Variants in ANKRD11 observed in about 807,000 individuals in gnomAD.
ANKRD11 encodes ankyrin repeat domain 11, also known as ankyrin repeat domain-containing protein 11.
ANKRD11 carries 17 observed loss-of-function variants against 195.7 expected under a neutral mutation model. The observed-to-expected ratio is 0.09, with a 90% CI of 0.06 to 0.13. The LOEUF is 0.13. Among genes scored for constraint, ANKRD11 ranks in the 10% least tolerant of loss-of-function variants. The pLI is 1.00. For synonymous variants in ANKRD11, 1,953 were observed against 1,528.1 expected (o/e 1.28, Z -6.49); for missense variants, 3,735 against 3,566.1 (o/e 1.05, Z -1.21).
Position 89,440,818 on chromosome 16 carries a change from A to G in ANKRD11, c.-144-22450T>C, listed in dbSNP as rs189499397. On this transcript the variant is annotated intron_variant, in intron 1 of 12. Transcript: ENST00000301030. ...GCCTGCCGGGACTGAAAATAAATCC[A>G]TGTGGCATCAACAGGAACATCTGTG... Among the ~76,000 whole-genome samples, 635 of 152,286 alleles carry G rather than the reference A, an allele frequency of 4.2e-3. 5 individuals carry two copies. The highest frequency in any genetic ancestry group is 0.015 in the African/African-American group (604 of 41,562).
chr16:89,313,645 ATG>A (rs1156924397), intron 3 of ANKRD11: 4 of 1,269,930 alleles, frequency 3.1e-6, no homozygotes, highest in Admixed American at 4.6e-5. Context: ...AAGGGAGTTT[ATG>A]GTAGAAGACT....
intron 2 of ANKRD11, among the ~76,000 whole-genome samples, chr16:89,393,050 C>A (rs1311648405): frequency 6.6e-6 from 1 of 152,076 alleles, no homozygotes; most frequent in African/African-American, 2.4e-5. Context: ...AATGCTAACC[C>A]TCAGTGGAGC....
Position 89,281,266 on chromosome 16 carries a change from G to A in ANKRD11, c.5276C>T (p.Ser1759Phe), listed in dbSNP as rs2034212500. The change falls in exon 9 of 13, where the codon TCC becomes TTC. Residue 1759 changes from serine to phenylalanine, a missense_variant. Physicochemically the swap from Ser to Phe is radical, Grantham distance 155. Transcript: ENST00000301030. The surrounding 1 kb of genome is among the most constrained non-coding windows in gnomAD (Gnocchi z 5.5). ...PTAPTSACSP[S>F]FFDRFSVASS... is the part of the protein sequence containing the mutation. ...AGCCACGGAGAACCTGTCGAAAAAG[G>A]AGGGGGAGCAGGCGCTGGTGGGAGC... The A allele has an allele frequency of 6.2e-7, 1 of 1,614,248 alleles. No individual in the cohort carries two copies.
chr16:89,423,391 C>G (rs1295951850), intron 1 of ANKRD11, among the ~76,000 whole-genome samples: 4 of 152,254 alleles, frequency 2.6e-5, no homozygotes, highest in Non-Finnish European at 5.9e-5. Flanking sequence ...AGGGCCAGGT[C>G]TGTCTTTTCC....
chr16:89,343,319 C>T (rs571846196), intron 2 of ANKRD11, among the ~76,000 whole-genome samples: 2 of 152,334 alleles, frequency 1.3e-5, no homozygotes, highest in South Asian at 4.1e-4. Flanking sequence ...AAAGCAATAC[C>T]TGTGTTCCCA....
intron 1 of ANKRD11, among the ~76,000 whole-genome samples, chr16:89,452,841 T>C (rs1407120992): frequency 6.6e-6 from 1 of 151,692 alleles, no homozygotes; most frequent in African/African-American, 2.4e-5. Flanking sequence ...AGAGGTCCTA[T>C]TCCCCTCACT....
intron 1 of ANKRD11, among the ~76,000 whole-genome samples, chr16:89,455,729 C>T (rs185978599): frequency 1.1e-3 from 162 of 152,254 alleles, no homozygotes; most frequent in African/African-American, 3.7e-3. Context: ...AAAAGAGTGC[C>T]GCAGACTCAA....
At chr16:89,305,175 G>A (rs1470252821) in intron 4 of ANKRD11, 31 bp downstream of exon 4, 4 of 1,606,168 alleles carry the variant, frequency 2.5e-6, no homozygotes, top group Admixed American at 1.7e-5. Context: ...CCTGTGGAGG[G>A]CTGACTGCAG....
chr16:89,404,411 C>T (rs1172544084), intron 2 of ANKRD11, among the ~76,000 whole-genome samples: 1 of 152,130 alleles, frequency 6.6e-6, no homozygotes, highest in African/African-American at 2.4e-5. Flanking sequence ...AAGGTACAAC[C>T]CTATTATGTC....
chr16:89,313,924 G>C (rs2036773826), intron 3 of ANKRD11, among the ~76,000 whole-genome samples: 1 of 152,222 alleles, frequency 6.6e-6, no homozygotes, highest in African/African-American at 2.4e-5. Flanking sequence ...ACTGTGAGTA[G>C]TTGGAAAAAC....
At chr16:89,273,854 G>A (rs2033400500) in intron 11 of ANKRD11, among the ~76,000 whole-genome samples, 1 of 152,160 alleles carries the variant, frequency 6.6e-6, no homozygotes, top group Non-Finnish European at 1.5e-5. Flanking sequence ...CTAGTGCACT[G>A]CTCAGAGTGC....
At chr16:89,307,575 G>C (rs975029848) in intron 3 of ANKRD11, among the ~76,000 whole-genome samples, 6 of 152,138 alleles carry the variant, frequency 3.9e-5, no homozygotes, top group Non-Finnish European at 2.9e-5. Flanking sequence ...CACCCCAGCA[G>C]TGCAGGTCCC....
intron 4 of ANKRD11, among the ~76,000 whole-genome samples, chr16:89,296,646 T>C (rs530021854): frequency 7.9e-5 from 12 of 152,304 alleles, no homozygotes; most frequent in African/African-American, 2.9e-4. Context: ...GCACGTGAGG[T>C]CCCTGGGGCT....
intron 2 of ANKRD11, among the ~76,000 whole-genome samples, chr16:89,355,576 C>A (rs1438413039): frequency 6.6e-6 from 1 of 152,040 alleles, no homozygotes; most frequent in Non-Finnish European, 1.5e-5. Context: ...CCCCAGACAT[C>A]GAGTATCACA....
intron 1 of ANKRD11, among the ~76,000 whole-genome samples, chr16:89,478,784 T>C (rs1261750149): frequency 2.0e-5 from 3 of 152,196 alleles, no homozygotes; most frequent in Non-Finnish European, 4.4e-5. Flanking sequence ...AAATTCCTTA[T>C]TCCCATGACT....
intron 2 of ANKRD11, among the ~76,000 whole-genome samples, chr16:89,338,422 G>GT (rs1166620432): frequency 9.6e-5 from 9 of 93,548 alleles, no homozygotes; most frequent in Non-Finnish European, 1.9e-4. Flanking sequence ...CATACACTCT[G>GT]TTAAAAAAAA....
At chr16:89,371,051 C>T (rs926225460) in intron 2 of ANKRD11, among the ~76,000 whole-genome samples, 1 of 152,138 alleles carries the variant, frequency 6.6e-6, no homozygotes, top group African/African-American at 2.4e-5. Flanking sequence ...CGTCTCATGA[C>T]GAAGGGGACT....
chr16:89,319,193 A>T (rs1453756705), intron 2 of ANKRD11, among the ~76,000 whole-genome samples: 2 of 152,366 alleles, frequency 1.3e-5, no homozygotes, highest in East Asian at 3.9e-4. Context: ...GACACACTCA[A>T]CAGCTCTGGC....
intron 2 of ANKRD11, among the ~76,000 whole-genome samples, chr16:89,380,696 G>A (rs761660476): frequency 6.6e-6 from 1 of 152,256 alleles, no homozygotes; most frequent in African/African-American, 2.4e-5. Flanking sequence ...AAAGCCTGAC[G>A]AGTACCTGCC....
Sources: allele counts gnomAD v4.1 joint callset (sites outside exome capture counted in the v4.1 genomes callset), GRCh38; gene constraint gnomAD v4.1.1; non-coding constraint Gnocchi (gnomAD v3.1); transcripts MANE v1.5; gene names NCBI Gene and HGNC (gene_info 2026-07-23, HGNC 2026-07-21).